The following LY96 variants were observed in gnomAD, a reference collection of about 807,000 sequenced individuals.
LY96 encodes lymphocyte antigen 96.
LY96 carries 18 observed loss-of-function variants against 18.9 expected under a neutral mutation model. The ratio of observed to expected loss-of-function variants is 0.95; its 90% CI spans 0.66 to 1.41. The LOEUF (loss-of-function observed/expected upper bound fraction) is 1.41, where lower values mean the gene tolerates loss of function less well. Among genes scored for constraint, LY96 ranks in the 40% most tolerant of loss-of-function variants. The pLI is 0.00. For missense variants in LY96, 175 were observed against 182.4 expected (o/e 0.96, Z 0.23); for synonymous variants, 66 against 62.6 (o/e 1.06, Z -0.26).
At chr8:74,021,637 C>A (rs984919860) in intron 3 of LY96, among the ~76,000 whole-genome samples, 2 of 152,176 alleles carry the variant, frequency 1.3e-5, no homozygotes, top group Non-Finnish European at 2.9e-5. Flanking sequence ...TTTATTGCAG[C>A]ACTATTCACA....
chr8:74,067,727 GA>G, the LY96 span, among the ~76,000 whole-genome samples: 11 of 148,380 alleles, frequency 7.4e-5, no homozygotes, highest in East Asian at 2.0e-4. Flanking sequence ...GCTGAGTTTT[GA>G]AAAAAAAAAT....
the LY96 span, among the ~76,000 whole-genome samples, chr8:74,035,611 C>T: frequency 1.3e-5 from 2 of 152,056 alleles, no homozygotes; most frequent in African/African-American, 4.8e-5. Flanking sequence ...CTCAGTATGC[C>T]CTCTTCCCTT....
chr8:74,007,805 G>A (rs943674106), intron 2 of LY96, among the ~76,000 whole-genome samples: 4 of 152,132 alleles, frequency 2.6e-5, no homozygotes, highest in African/African-American at 9.7e-5. Flanking sequence ...TGTCACCCAG[G>A]CTGGAGTGCA....
the LY96 span, among the ~76,000 whole-genome samples, chr8:74,087,878 T>C: frequency 6.6e-6 from 1 of 152,180 alleles, no homozygotes; most frequent in African/African-American, 2.4e-5. Flanking sequence ...GTGTCTGTTC[T>C]TGTCTTTATG....
chr8:74,054,366 A>T, the LY96 span, among the ~76,000 whole-genome samples: 4 of 152,164 alleles, frequency 2.6e-5, no homozygotes, highest in South Asian at 2.1e-4. Flanking sequence ...AGTAGTGCTC[A>T]GTTATAGTAG....
the LY96 span, among the ~76,000 whole-genome samples, chr8:74,068,063 A>AG: frequency 1.0e-4 from 1 of 9,584 alleles, no homozygotes; most frequent in African/African-American, 2.3e-4. Flanking sequence ...CTCTGTCTCA[A>AG]AAAAAAAAAA....
intron 1 of LY96, among the ~76,000 whole-genome samples, chr8:74,003,049 T>C (rs1184897751): frequency 6.6e-6 from 1 of 152,234 alleles, no homozygotes; most frequent in African/African-American, 2.4e-5. Flanking sequence ...TGAGGAAGAT[T>C]TGTCTTGCTC....
At chr8:74,078,816 A>C in the LY96 span, among the ~76,000 whole-genome samples, 1 of 152,354 alleles carries the variant, frequency 6.6e-6, no homozygotes, top group East Asian at 1.9e-4. Flanking sequence ...AAAATTAAAA[A>C]AATTAGAGAA....
chr8:74,014,478 A>C (rs1362346782), intron 3 of LY96, among the ~76,000 whole-genome samples: 8 of 145,098 alleles, frequency 5.5e-5, no homozygotes, highest in African/African-American at 2.1e-4. Context: ...ACAAAAGAAC[A>C]GGCAGGTTTT....
chr8:74,045,757 C>T, the LY96 span, among the ~76,000 whole-genome samples: 14 of 152,144 alleles, frequency 9.2e-5, no homozygotes, highest in South Asian at 1.9e-3. Context: ...AAGCAAAAAG[C>T]GAAGACCGCC....
chr8:74,080,247 A>G, the LY96 span, among the ~76,000 whole-genome samples: 1 of 152,136 alleles, frequency 6.6e-6, no homozygotes, highest in African/African-American at 2.4e-5. Flanking sequence ...AATGCAAGAA[A>G]ATCCTAGCAT....
chr8:74,047,862 C>G, the LY96 span, among the ~76,000 whole-genome samples: 2 of 150,864 alleles, frequency 1.3e-5, no homozygotes, highest in Non-Finnish European at 2.9e-5. Context: ...AATATTTTAA[C>G]CATTTCCCAC....
Position 74,027,446 on chromosome 8 carries a change from A to G in LY96, c.384+605A>G. Among the ~76,000 whole-genome samples the G allele has an allele frequency of 1.3e-5, 2 of 151,658 alleles. 1 individual carries two copies. The highest frequency in any genetic ancestry group is 2.9e-5 in the Non-Finnish European group (2 of 67,996). On this transcript the variant is annotated intron_variant, in intron 4 of 4. Coordinates refer to ENST00000284818, the MANE Select transcript of LY96 (RefSeq NM_015364.5). ...CAACCACCCGAGTAGCTGGGATTAC[A>G]GGCACATGCCACTATGCCCAGCTAA...
chr8:74,045,859 C>T, the LY96 span, among the ~76,000 whole-genome samples: 1 of 152,172 alleles, frequency 6.6e-6, no homozygotes, highest in Non-Finnish European at 1.5e-5. Flanking sequence ...GCTGGGCTCC[C>T]CATTGCTGGA....
chr8:74,058,488 A>G, the LY96 span, among the ~76,000 whole-genome samples: 6 of 151,818 alleles, frequency 4.0e-5, no homozygotes, highest in African/African-American at 1.2e-4. Flanking sequence ...GGATACTTAC[A>G]TATCTACACC....
At chr8:74,008,890 A>G (rs1380495336) in intron 2 of LY96, among the ~76,000 whole-genome samples, 23 of 152,186 alleles carry the variant, frequency 1.5e-4, no homozygotes, top group Admixed American at 1.5e-3. Flanking sequence ...GGAGTCAGAG[A>G]GATTGGAGGA....
the LY96 span, among the ~76,000 whole-genome samples, chr8:74,097,747 GATAA>G: frequency 6.6e-6 from 1 of 150,526 alleles, no homozygotes; most frequent in Non-Finnish European, 1.5e-5. Flanking sequence ...TAAGTAAATA[GATAA>G]ATAAATAAAC....
At chr8:74,001,677 C>A (rs1239610975) in intron 1 of LY96, among the ~76,000 whole-genome samples, 1 of 151,732 alleles carries the variant, frequency 6.6e-6, no homozygotes, top group Non-Finnish European at 1.5e-5. Context: ...CATAGTGAGA[C>A]CTCATCTCTA....
At chr8:74,095,489 A>G in the LY96 span, among the ~76,000 whole-genome samples, 4,527 of 152,118 alleles carry the variant, frequency 0.03, 219 homozygotes, top group African/African-American at 0.1. Flanking sequence ...GTGGGGAAAA[A>G]CATTTCTCTT....
Sources: gnomAD v4.1 joint callset for allele counts (sites outside exome capture counted in the v4.1 genomes callset) on GRCh38, gnomAD v4.1.1 for gene constraint, MANE v1.5 for transcripts, NCBI Gene and HGNC (gene_info 2026-07-23, HGNC 2026-07-21) for gene names.